WAPL: variants seen among roughly 807,000 people sequenced by gnomAD.
The protein encoded by WAPL is wings apart-like protein homolog.
WAPL carries 5 observed loss-of-function variants against 121.0 expected under a neutral mutation model. The observed-to-expected ratio is 0.04, with a 90% CI of 0.02 to 0.09. The LOEUF is 0.09. WAPL is among the 10% of genes least tolerant of loss of function. The pLI, the probability that WAPL is intolerant of heterozygous loss-of-function variation, is 1.00. For synonymous variants in WAPL, 480 were observed against 481.5 expected (o/e 1.00, Z 0.04); for missense variants, 999 against 1,410.8 (o/e 0.71, Z 4.68).
chr10:86,476,687 T>TAAAAAAAAAAAAAAAAAAAA, intron 4 of WAPL, among the ~76,000 whole-genome samples: 1 of 140,182 alleles, frequency 7.1e-6, no homozygotes, highest in Admixed American at 7.2e-5. Context: ...AGACTGTCTT[T>TAAAAAAAAAAAAAAAAAAAA]AAAAAAAAAA....
At chr10:86,502,845 G>T (rs144916668) in intron 2 of WAPL, among the ~76,000 whole-genome samples, 1 of 152,144 alleles carries the variant, frequency 6.6e-6, no homozygotes, top group African/African-American at 2.4e-5. Flanking sequence ...ATTACACTAC[G>T]TCTAGTGGTG....
chr10:86,481,568 T>C (rs1024777566), intron 4 of WAPL, among the ~76,000 whole-genome samples: 9 of 152,078 alleles, frequency 5.9e-5, no homozygotes, highest in African/African-American at 2.2e-4. Context: ...AGACGGGGTT[T>C]ATCCATGTTG....
chr10:86,494,400 C>T (rs1420152123), intron 4 of WAPL, among the ~76,000 whole-genome samples: 1 of 152,148 alleles, frequency 6.6e-6, no homozygotes, highest in Non-Finnish European at 1.5e-5. Flanking sequence ...TATGCTGATT[C>T]AAACGTGGGA....
At chr10:86,513,614 A>G (rs1011801756) in intron 2 of WAPL, among the ~76,000 whole-genome samples, 31 of 152,344 alleles carry the variant, frequency 2.0e-4, no homozygotes, top group Admixed American at 1.3e-3. Flanking sequence ...CACACCCGCA[A>G]CAAAATTTTT....
chr10:86,467,088 T>C, intron 9 of WAPL, 191 bp downstream of exon 9: 1 of 570,618 alleles, frequency 1.8e-6, no homozygotes, highest in East Asian at 3.0e-5. Context: ...AAAGCCTAAA[T>C]ACAGATAAAC....
At position 86,500,740 on chromosome 10, in the gene WAPL, T is replaced by G; in HGVS notation, c.503A>C (p.Lys168Thr). 2.6e-6 allele frequency: 4 copies of G among 1,552,248 alleles called. No homozygotes were observed. The highest frequency in any genetic ancestry group is 3.5e-6 in the Non-Finnish European group (4 of 1,157,060). ...SSCNKLITSD[K>T]VENFHEEHEK... The stretch of plus-strand genomic sequence containing the variant: ...ATGTTCTTCATGAAAATTCTCCACT[T>G]TATCTGTAAAAATAAGTCAAAGGAT... Residue 168 changes from lysine to threonine, a missense_variant, in exon 3 of 19, where the codon AAA becomes ACA. Lys to Thr is a moderately conservative substitution (Grantham distance 78). Transcript: ENST00000298767.
chr10:86,440,085 A>G (rs1295489424), intron 17 of WAPL, among the ~76,000 whole-genome samples: 2 of 152,212 alleles, frequency 1.3e-5, no homozygotes, highest in East Asian at 3.9e-4. Flanking sequence ...CAATTTAAGA[A>G]CATTCTCTTT....
At chr10:86,452,930 C>G (rs7918442) in intron 14 of WAPL, among the ~76,000 whole-genome samples, 14,355 of 147,530 alleles carry the variant, frequency 0.097, 873 homozygotes, top group Middle Eastern at 0.17. Context: ...GTCCCAGCAC[C>G]TGGAAGGCTG....
Position 86,435,482 on chromosome 10 carries a change from G to A in WAPL, c.*2061C>T, listed in dbSNP as rs1849295698. 6.6e-6 allele frequency: 1 copy of A among 152,484 alleles called. No homozygotes were observed. The highest frequency in any genetic ancestry group is 2.4e-5 in the African/African-American group (1 of 41,422). The allele number at this position is 152,484 out of a possible 1,614,324, so 9.4% of individuals were successfully genotyped here. On this transcript the variant is annotated 3_prime_UTR_variant, in exon 19 of 19. Transcript: ENST00000298767. ...ACAGAAATATTTACAATGGAAAAAA[G>A]GTTACTTTAAAACTTTTAGTTAAGT...
At chr10:86,495,803 C>CA (rs1242180932) in intron 4 of WAPL, among the ~76,000 whole-genome samples, 1 of 151,914 alleles carries the variant, frequency 6.6e-6, no homozygotes, top group African/African-American at 2.4e-5. Context: ...TCAATAAAAA[C>CA]AAAAAAACTC....
In WAPL at chr10:86,446,364, T is replaced by C; in HGVS notation, c.3200A>G (p.Asp1067Gly). The C allele has an allele frequency of 1.2e-6, 2 of 1,614,186 alleles. No individual in the cohort carries two copies. The highest frequency in any genetic ancestry group is 2.2e-5 in the South Asian group (2 of 91,086). ...TGTTTCTTGCCACTCTCCACTCTTA[T>C]CATGCTGAGTGGTGGGAGCATCTTT... is the stretch of plus-strand genomic sequence containing the variant. ...LIKDAPTTQH[D>G]KSGEWQETSG... Residue 1067 changes from aspartate to glycine, a missense_variant, in exon 16 of 19, where the codon GAT becomes GGT. By Grantham distance (94) the Asp-to-Gly change is moderately conservative. This residue lies in a region of WAPL where 126 missense variants were observed against 144.0 expected (regional missense o/e 0.87). Transcript: ENST00000298767.
At chr10:86,486,973 C>A (rs971946674) in intron 4 of WAPL, among the ~76,000 whole-genome samples, 1 of 151,686 alleles carries the variant, frequency 6.6e-6, no homozygotes, top group African/African-American at 2.4e-5. Flanking sequence ...AAAAAAAGAA[C>A]GTAAAGGTAT....
chr10:86,447,977 G>T lies in WAPL; in HGVS notation c.3115-1528C>A, dbSNP rs1344554016. On this transcript the variant is annotated intron_variant, in intron 15 of 18. Coordinates refer to ENST00000298767, the MANE Select transcript of WAPL (RefSeq NM_015045.5). ...GCAGGAGAATCACTGGAACCTGGGA[G>T]TCAGGGGTTGCAGTAAGCTGAGATG... is the stretch of plus-strand genomic sequence containing the variant. Among the ~76,000 whole-genome samples the T allele has an allele frequency of 2.6e-5, 4 of 152,116 alleles. No homozygotes were observed. In the East Asian group the frequency reaches 7.7e-4, roughly 29 times the overall value.
intron 4 of WAPL, among the ~76,000 whole-genome samples, chr10:86,475,549 G>C (rs1841631130): frequency 6.6e-6 from 1 of 152,176 alleles, no homozygotes; most frequent in African/African-American, 2.4e-5. Context: ...TTCTCATTTG[G>C]ATTGTGTACA....
rs1333622943 is a variant in WAPL at position 86,500,288 on chromosome 10, T to C, written c.955A>G (p.Ser319Gly). 6.2e-7 allele frequency: 1 copy of C among 1,614,122 alleles called. No homozygotes were observed. The highest frequency in any genetic ancestry group is 1.3e-5 in the African/African-American group (1 of 74,946). Residue 319 changes from serine (S) to glycine (G), a missense_variant, in exon 3 of 19, where the codon AGT becomes GGT. Ser to Gly is a moderately conservative substitution (Grantham distance 56). Coordinates refer to ENST00000298767, the MANE Select transcript of WAPL (RefSeq NM_015045.5). ...SNFDKLMDGT[S>G]QALAKANSES... ...CTGTTTGCTTTGGCTAAGGCCTGAC[T>C]GGTGCCGTCCATCAGCTTATCAAAA...
intron 9 of WAPL, among the ~76,000 whole-genome samples, chr10:86,463,707 A>G (rs967218097): frequency 1.3e-5 from 2 of 152,152 alleles, no homozygotes; most frequent in Non-Finnish European, 2.9e-5. Context: ...CTCATCACTC[A>G]CTCACTGACT....
chr10:86,444,892 C>CAAAA (rs35307250), intron 16 of WAPL, among the ~76,000 whole-genome samples: 7,414 of 67,596 alleles, frequency 0.11, 404 homozygotes, highest in Middle Eastern at 0.18. Context: ...GTTATTACGC[C>CAAAA]AAAAAAAAAA....
At chr10:86,482,490 A>G (rs1472178498) in intron 4 of WAPL, among the ~76,000 whole-genome samples, 1 of 152,226 alleles carries the variant, frequency 6.6e-6, no homozygotes, top group Non-Finnish European at 1.5e-5. Context: ...CCTAGGGCCC[A>G]TTATCATAGT....
chr10:86,456,150 C>T (rs1314976396), intron 12 of WAPL, among the ~76,000 whole-genome samples: 1 of 152,138 alleles, frequency 6.6e-6, no homozygotes, highest in Non-Finnish European at 1.5e-5. Context: ...TGCAAGCTGT[C>T]ACAGGGGTAC....
Sources: gnomAD v4.1 joint callset for allele counts (sites outside exome capture counted in the v4.1 genomes callset) on GRCh38, gnomAD v4.1.1 for gene constraint, gnomAD v4.1.1 regional missense constraint, MANE v1.5 for transcripts, NCBI Gene and HGNC (gene_info 2026-07-23, HGNC 2026-07-21) for gene names.